The following CPAMD8 variants were observed in gnomAD, a reference collection of about 807,000 sequenced individuals.
CPAMD8 encodes the protein C3 and PZP like alpha-2-macroglobulin domain containing 8.
Under a neutral mutation model 224.7 loss-of-function variants are expected in CPAMD8, and 146 were observed. The ratio of observed to expected loss-of-function variants is 0.65; its 90% CI spans 0.57 to 0.75. CPAMD8 has a LOEUF of 0.75. Among genes scored for constraint, CPAMD8 ranks in the 30% least tolerant of loss-of-function variants. The probability of loss-of-function intolerance (pLI) is 0.00; values close to 1 mark genes in which losing one functional copy is unlikely to be tolerated. For missense variants in CPAMD8, 2,301 were observed against 2,537.5 expected (o/e 0.91, Z 2.00); for synonymous variants, 966 against 1,044.6 (o/e 0.92, Z 1.45).
chr19:16,941,959 G>A (rs569009458), intron 22 of CPAMD8, among the ~76,000 whole-genome samples: 18 of 152,150 alleles, frequency 1.2e-4, no homozygotes, highest in East Asian at 1.9e-4. Flanking sequence ...GCGACAGAGC[G>A]AGACTCCATC....
At chr19:16,961,806 C>T (rs535673062) in intron 18 of CPAMD8, among the ~76,000 whole-genome samples, 3 of 152,260 alleles carry the variant, frequency 2.0e-5, no homozygotes, top group South Asian at 2.1e-4. Context: ...CCCTCTGAGA[C>T]GAAGCTTCCA....
intron 3 of CPAMD8, among the ~76,000 whole-genome samples, chr19:17,015,920 G>A (rs193073965): frequency 6.6e-6 from 1 of 152,280 alleles, no homozygotes; most frequent in Non-Finnish European, 1.5e-5. Context: ...CTCCCACAGG[G>A]AGAGAAGGCA....
chr19:16,899,585 C>G lies in CPAMD8; in HGVS notation c.4774-36G>C, dbSNP rs1332974558. ...AGCCAGAAGTCAGGGTCCTCAGACT[C>G]TCTACTTGCTTCCTCTCCCATCCCC... On this transcript the variant is annotated intron_variant, in intron 36 of 41. Coordinates refer to ENST00000443236, the MANE Select transcript of CPAMD8 (RefSeq NM_015692.5). The surrounding 1 kb of genome is among the most constrained non-coding windows in gnomAD (Gnocchi z 5.4). 1.0e-6 allele frequency: 1 copy of G among 993,546 alleles called. No homozygotes were observed. Among genetic ancestry groups the G allele is most frequent in the Non-Finnish European group, 1.6e-6 (1 of 613,994 alleles). The allele number at this position is 993,546 out of a possible 1,614,324, so 61.5% of individuals were successfully genotyped here. A position where few individuals can be genotyped will look rare whatever the true frequency, so the allele number is the denominator to read the frequency against.
chr19:17,009,471 C>A, intron 5 of CPAMD8, 151 bp from the exon 6 acceptor site: 1 of 1,347,052 alleles, frequency 7.4e-7, no homozygotes, highest in Non-Finnish European at 1.0e-6. Context: ...GAATCCTAAC[C>A]CCAAGTAGGG....
chr19:16,964,103 G>A (rs985413694), intron 18 of CPAMD8, among the ~76,000 whole-genome samples: 3 of 152,046 alleles, frequency 2.0e-5, no homozygotes, highest in Admixed American at 6.6e-5. Flanking sequence ...ATCTAAAATC[G>A]ACACCCTAAC....
At chr19:16,943,311 C>T (rs529657796) in intron 22 of CPAMD8, among the ~76,000 whole-genome samples, 6 of 152,284 alleles carry the variant, frequency 3.9e-5, no homozygotes, top group South Asian at 2.1e-4. Context: ...CCACCGTGCC[C>T]GGCCTGTGTC....
intron 3 of CPAMD8, among the ~76,000 whole-genome samples, chr19:17,014,980 G>T (rs900909354): frequency 1.3e-5 from 2 of 152,224 alleles, no homozygotes; most frequent in Non-Finnish European, 2.9e-5. Context: ...AGTGGCTCAC[G>T]CCTGTCATCC....
At chr19:17,010,958 G>A (rs539835621) in intron 5 of CPAMD8, among the ~76,000 whole-genome samples, 1 of 152,000 alleles carries the variant, frequency 6.6e-6, no homozygotes, top group Non-Finnish European at 1.5e-5. Flanking sequence ...GGGAGGCAGA[G>A]GTCGCAGTGA....
chr19:16,902,508 C>T, intron 35 of CPAMD8, 141 bp downstream of exon 35: 1 of 607,904 alleles, frequency 1.6e-6, no homozygotes, highest in South Asian at 1.9e-5. Flanking sequence ...CAGGGTGAGA[C>T]TCTGTCTCAA....
At chr19:16,985,983 A>G (rs2055705921) in intron 13 of CPAMD8, among the ~76,000 whole-genome samples, 1 of 152,106 alleles carries the variant, frequency 6.6e-6, no homozygotes, top group Admixed American at 6.6e-5. Flanking sequence ...ATAAAAAGAC[A>G]CCCAAACAGA....
At chr19:17,000,599 T>G (rs1233054014) in intron 9 of CPAMD8, 77 bp from the exon 10 acceptor site, 2 of 718,472 alleles carry the variant, frequency 2.8e-6, no homozygotes, top group Non-Finnish European at 5.1e-6. Flanking sequence ...AAGGCCAGGT[T>G]GACATAGTGT....
chr19:16,993,168 C>T (rs1489021410), intron 12 of CPAMD8, among the ~76,000 whole-genome samples: 1 of 152,196 alleles, frequency 6.6e-6, no homozygotes, highest in East Asian at 1.9e-4. Flanking sequence ...GGTCAGGAGT[C>T]CATTTGGAGA....
chr19:16,930,171 C>G (rs957959144), intron 23 of CPAMD8, among the ~76,000 whole-genome samples: 2 of 151,866 alleles, frequency 1.3e-5, no homozygotes, highest in African/African-American at 4.8e-5. Context: ...GGGAGAATCA[C>G]TTGAACCCAG....
intron 32 of CPAMD8, 27 bp downstream of exon 32, chr19:16,904,199 C>A (rs2052377593): frequency 6.4e-7 from 1 of 1,555,644 alleles, no homozygotes; most frequent in Non-Finnish European, 8.8e-7. Context: ...AGCCCTGAGC[C>A]CCTCCCTCTG....
At position 16,896,565 on chromosome 19, in the gene CPAMD8, C is replaced by G. The variant is rs373481636; in HGVS notation, c.5166G>C (p.Pro1722=). The change falls in exon 40 of 42, where the codon CCG becomes CCC. Residue 1722 remains proline (P), a synonymous_variant. Coordinates refer to ENST00000443236, the MANE Select transcript of CPAMD8 (RefSeq NM_015692.5). ...CDHDCGAQGN[P]VCGSDGVVYA... The stretch of plus-strand genomic sequence containing the variant: ...AGACCACCCCGTCGGAGCCGCACAC[C>G]GGGTTCCCCTGGGCGCCGCAGTCGT... 2.8e-4 allele frequency: 416 copies of G among 1,508,750 alleles called. 2 individuals carry two copies. The African/African-American group carries it at 4.5e-3, about 16-fold the overall frequency. 93.5% of individuals were successfully genotyped at this position (1,508,750 alleles called of 1,614,324 possible).
intron 19 of CPAMD8, 38 bp from the exon 20 acceptor site, chr19:16,952,238 T>C: frequency 5.9e-6 from 7 of 1,186,836 alleles, no homozygotes; most frequent in Non-Finnish European, 8.6e-6. Flanking sequence ...GGGGCCCTTC[T>C]CCAGGGCCAT....
At chr19:16,896,897 A>G in intron 39 of CPAMD8, 1 of 389,312 alleles carries the variant, frequency 2.6e-6, no homozygotes, top group Non-Finnish European at 4.5e-6. Context: ...CGGTTGTAGG[A>G]GAGAAAGGAG....
At chr19:16,914,163 G>T (rs1413899571) in intron 29 of CPAMD8, among the ~76,000 whole-genome samples, 1 of 152,142 alleles carries the variant, frequency 6.6e-6, no homozygotes, top group East Asian at 1.9e-4. Flanking sequence ...GTCATGGGAG[G>T]CTCTGTACTC....
chr19:16,975,278 G>A lies in CPAMD8; in HGVS notation c.1909-20C>T, dbSNP rs779762290. ...GAAAACCTGCAGGCAAAGGGGGACAGAGACTTGTCAGCTGAAGTTTTCTTT... is the reference window on the plus strand; with the variant it reads ...GAAAACCTGCAGGCAAAGGGGGACAAAGACTTGTCAGCTGAAGTTTTCTTT... On this transcript the variant is annotated intron_variant, in intron 16 of 41. Transcript: ENST00000443236. 7.7e-5 allele frequency: 123 copies of A among 1,588,670 alleles called. No homozygotes were observed. The highest frequency in any genetic ancestry group is 1.1e-4 in the Admixed American group (6 of 56,636).
Sources: gnomAD v4.1 joint callset for allele counts (sites outside exome capture counted in the v4.1 genomes callset) on GRCh38, gnomAD v4.1.1 for gene constraint, Gnocchi (gnomAD v3.1) non-coding constraint, MANE v1.5 for transcripts, NCBI Gene and HGNC (gene_info 2026-07-23, HGNC 2026-07-21) for gene names.